The following CNTNAP2 variants were observed in gnomAD, a reference collection of about 807,000 sequenced individuals.
CNTNAP2 encodes the protein contactin associated protein 2.
A neutral mutation model predicts 155.2 loss-of-function variants in CNTNAP2; 98 were observed. That is an observed-to-expected ratio of 0.63 (90% CI 0.54 to 0.75). The LOEUF is 0.75. Among genes scored for constraint, CNTNAP2 ranks in the 30% least tolerant of loss-of-function variants. CNTNAP2 has a pLI of 0.00. For missense variants in CNTNAP2, 1,727 were observed against 1,688.1 expected, an observed-to-expected ratio of 1.02 and a Z score of -0.40; for synonymous variants, 651 against 631.2, an observed-to-expected ratio of 1.03 and a Z score of -0.47.
rs185831418 is a variant in CNTNAP2 at position 146,241,184 on chromosome 7, T to C, written c.97+124211T>C. On this transcript the variant is annotated intron_variant, in intron 1 of 23. Transcript: ENST00000361727. ...CAATACTGGGGATGACAATTCAACATGAGATTTAGGCAGTGACACATATCC... is the reference window on the plus strand; with the variant it reads ...CAATACTGGGGATGACAATTCAACACGAGATTTAGGCAGTGACACATATCC... Among the ~76,000 whole-genome samples, 559 of 152,182 alleles carry C rather than the reference T, an allele frequency of 3.7e-3. 2 individuals carry two copies. The highest frequency in any genetic ancestry group is 0.013 in the African/African-American group (525 of 41,558).
At chr7:147,966,301 C>T (rs1801208419) in intron 14 of CNTNAP2, among the ~76,000 whole-genome samples, 2 of 152,160 alleles carry the variant, frequency 1.3e-5, no homozygotes, top group African/African-American at 4.8e-5. Context: ...GTACTTCCTT[C>T]TGAGGCCAAA....
intron 13 of CNTNAP2, among the ~76,000 whole-genome samples, chr7:147,698,033 G>A (rs1796187491): frequency 6.6e-6 from 1 of 152,032 alleles, no homozygotes; most frequent in African/African-American, 2.4e-5. Flanking sequence ...TCCTACCCTG[G>A]TACTGGCTCA....
chr7:147,880,331 G>T (rs535567710), intron 13 of CNTNAP2, among the ~76,000 whole-genome samples: 1 of 152,262 alleles, frequency 6.6e-6, no homozygotes, highest in South Asian at 2.1e-4. Context: ...ATTAACAGAG[G>T]TCCAAAATCC....
chr7:148,149,392 A>T (rs1805254832), intron 17 of CNTNAP2, among the ~76,000 whole-genome samples: 1 of 152,244 alleles, frequency 6.6e-6, no homozygotes, highest in African/African-American at 2.4e-5. Context: ...ATGGAATATA[A>T]GGGATAAACA....
At position 147,033,147 on chromosome 7, in the gene CNTNAP2, CATATATATATATGTATAT is replaced by C. The variant is rs1210793989; in HGVS notation, c.403-10747_403-10730del. Among the ~76,000 whole-genome samples, 411 of 86,968 alleles carry C rather than the reference CATATATATATATGTATAT, an allele frequency of 4.7e-3. 1 individual carries two copies. Among genetic ancestry groups the C allele is most frequent in the Middle Eastern group, 0.012 (2 of 168 alleles). The allele number at this position is 86,968 out of a possible 152,430, so 57.1% of individuals were successfully genotyped here. ...GTAGGGTCTAGAGAGGATATTGCTGCATATATATATATGTATATATATATATATATATATATATATATA... is the reference window on the plus strand; with the variant it reads ...GTAGGGTCTAGAGAGGATATTGCTGCATATATATATATATATATATATATA... On this transcript the variant is annotated intron_variant, in intron 3 of 23. Transcript: ENST00000361727.
At chr7:147,083,541 T>TATATATGTATATATATATATACAC (rs1450957653) in intron 4 of CNTNAP2, among the ~76,000 whole-genome samples, 47 of 129,220 alleles carry the variant, frequency 3.6e-4, no homozygotes, top group East Asian at 1.2e-3. Context: ...TATATACATA[T>TATATATGTATATATATATATACAC]ATATATATGT....
chr7:147,676,499 T>C (rs973305928), intron 13 of CNTNAP2, among the ~76,000 whole-genome samples: 4 of 152,024 alleles, frequency 2.6e-5, no homozygotes, highest in Admixed American at 1.3e-4. Flanking sequence ...CTGCCTCGTA[T>C]AGTTATCATT....
chr7:147,691,870 A>G (rs1796091984), intron 13 of CNTNAP2, among the ~76,000 whole-genome samples: 1 of 152,124 alleles, frequency 6.6e-6, no homozygotes. Flanking sequence ...ACACATCATT[A>G]TCAATCCAAC....
chr7:148,200,702 T>C (rs923325233), intron 18 of CNTNAP2, among the ~76,000 whole-genome samples: 1 of 152,146 alleles, frequency 6.6e-6, no homozygotes, highest in Non-Finnish European at 1.5e-5. Flanking sequence ...TAAAGAAAAA[T>C]GCTAAATTGC....
chr7:147,925,192 A>G (rs1800368687), intron 14 of CNTNAP2, among the ~76,000 whole-genome samples: 1 of 150,660 alleles, frequency 6.6e-6, no homozygotes, highest in African/African-American at 2.4e-5. Flanking sequence ...GGAAGGAAGG[A>G]AGGAAGGAAG....
chr7:146,911,793 A>T lies in CNTNAP2; in HGVS notation c.402+71889A>T, dbSNP rs571100839. On this transcript the variant is annotated intron_variant, in intron 3 of 23. Coordinates refer to ENST00000361727, the MANE Select transcript of CNTNAP2 (RefSeq NM_014141.6). ...GCACAATGTGCACATGTACCCTAAAACTTAAAGTATAATAATAAAAAAAAT... is the reference window on the plus strand; with the variant it reads ...GCACAATGTGCACATGTACCCTAAATCTTAAAGTATAATAATAAAAAAAAT... Among the ~76,000 whole-genome samples the T allele has an allele frequency of 3.3e-5, 5 of 152,194 alleles. No homozygotes were observed. The East Asian group carries it at 5.8e-4, about 18-fold the overall frequency.
chr7:147,214,200 G>GT (rs1259313150), intron 8 of CNTNAP2, among the ~76,000 whole-genome samples: 1 of 152,078 alleles, frequency 6.6e-6, no homozygotes, highest in Non-Finnish European at 1.5e-5. Flanking sequence ...AACACCATAC[G>GT]TAGGAGTTCA....
intron 15 of CNTNAP2, among the ~76,000 whole-genome samples, chr7:148,041,828 T>TA (rs994683921): frequency 2.1e-4 from 32 of 152,222 alleles, no homozygotes; most frequent in African/African-American, 7.0e-4. Context: ...GTGCAAAGGC[T>TA]AAAAAAAGGT....
At chr7:146,871,491 C>G (rs1425821234) in intron 3 of CNTNAP2, among the ~76,000 whole-genome samples, 2 of 151,830 alleles carry the variant, frequency 1.3e-5, no homozygotes, top group Non-Finnish European at 2.9e-5. Context: ...GATTGTGCCA[C>G]TGTACTCCAG....
At chr7:146,816,439 A>T (rs1032841797) in intron 2 of CNTNAP2, among the ~76,000 whole-genome samples, 1 of 152,176 alleles carries the variant, frequency 6.6e-6, no homozygotes, top group Non-Finnish European at 1.5e-5. Context: ...AAGTATTCCC[A>T]ATCGAGGACC....
chr7:147,650,959 T>G (rs561160443), intron 13 of CNTNAP2, among the ~76,000 whole-genome samples: 13 of 152,298 alleles, frequency 8.5e-5, no homozygotes, highest in Admixed American at 5.2e-4. Flanking sequence ...TCCAAACATT[T>G]TGATATGTGT....
At chr7:147,449,036 A>G (rs1442494210) in intron 10 of CNTNAP2, among the ~76,000 whole-genome samples, 13 of 152,208 alleles carry the variant, frequency 8.5e-5, no homozygotes, top group Admixed American at 5.9e-4. Context: ...TGAACCAGAA[A>G]TATCTTTAAC....
chr7:147,311,135 A>G (rs1193309962), intron 9 of CNTNAP2, among the ~76,000 whole-genome samples: 2 of 152,164 alleles, frequency 1.3e-5, no homozygotes, highest in African/African-American at 4.8e-5. Context: ...TCTTTTGCTA[A>G]AACTGGATTT....
At chr7:146,342,835 G>C (rs2129096899) in intron 1 of CNTNAP2, among the ~76,000 whole-genome samples, 1 of 152,262 alleles carries the variant, frequency 6.6e-6, no homozygotes, top group Non-Finnish European at 1.5e-5. Flanking sequence ...TTTAGGGTAA[G>C]ATATTATTTC....
Sources: gnomAD v4.1 joint callset for allele counts (sites outside exome capture counted in the v4.1 genomes callset) on GRCh38, gnomAD v4.1.1 for gene constraint, MANE v1.5 for transcripts, NCBI Gene and HGNC (gene_info 2026-07-23, HGNC 2026-07-21) for gene names.